Variants in ADCY2 observed in about 807,000 individuals in gnomAD.
The protein encoded by ADCY2 is adenylate cyclase 2.
In ADCY2, 31 loss-of-function variants were observed where a neutral mutation model predicts 125.2. That is an observed-to-expected ratio of 0.25 (90% CI 0.19 to 0.33). The LOEUF is 0.33. ADCY2 is among the 10% of genes least tolerant of loss of function. The probability of loss-of-function intolerance (pLI) is 1.00; values close to 1 mark genes in which losing one functional copy is unlikely to be tolerated. For missense variants in ADCY2, 904 were observed against 1,418.2 expected, an observed-to-expected ratio of 0.64 and a Z score of 5.82; for synonymous variants, 512 against 548.4, an observed-to-expected ratio of 0.93 and a Z score of 0.93.
intron 15 of ADCY2, among the ~76,000 whole-genome samples, chr5:7,754,178 G>C (rs76031226): frequency 6.6e-6 from 1 of 152,070 alleles, no homozygotes; most frequent in Admixed American, 6.6e-5. Context: ...ATATCTGCCC[G>C]GGTCTGTTTT....
At chr5:7,700,974 A>G (rs1297450512) in intron 7 of ADCY2, among the ~76,000 whole-genome samples, 1 of 152,114 alleles carries the variant, frequency 6.6e-6, no homozygotes, top group Non-Finnish European at 1.5e-5. Flanking sequence ...AGTAAATCAT[A>G]TGTACTCTCT....
Position 7,766,675 on chromosome 5 carries a change from T to C in ADCY2, c.2095-12T>C. 6.2e-7 allele frequency: 1 copy of C among 1,609,520 alleles called. No homozygotes were observed. The highest frequency in any genetic ancestry group is 8.5e-7 in the Non-Finnish European group (1 of 1,178,876). On this transcript the variant is annotated splice_polypyrimidine_tract_variant and intron_variant, in intron 16 of 24. Transcript: ENST00000338316. ...TTACATTAATTCATTGAAAAAAACC[T>C]TCTCTTTGCAGTTTTTCCTGAGTGA...
intron 3 of ADCY2, among the ~76,000 whole-genome samples, chr5:7,532,584 G>A (rs1030182802): frequency 7.2e-5 from 11 of 152,148 alleles, no homozygotes; most frequent in Admixed American, 4.6e-4. Context: ...TAGCTTTTGG[G>A]TTAGGTTAAT....
At chr5:7,728,221 T>C (rs1741990726) in intron 14 of ADCY2, among the ~76,000 whole-genome samples, 4 of 152,190 alleles carry the variant, frequency 2.6e-5, no homozygotes, top group Admixed American at 2.6e-4. Flanking sequence ...CTCATGAACG[T>C]GCTGAGCAAA....
chr5:7,464,661 C>T (rs1209117953), intron 2 of ADCY2, among the ~76,000 whole-genome samples: 1 of 152,040 alleles, frequency 6.6e-6, no homozygotes, highest in Non-Finnish European at 1.5e-5. Context: ...ACTCGATATG[C>T]AGTCAAAAAA....
intron 4 of ADCY2, among the ~76,000 whole-genome samples, chr5:7,670,002 T>G (rs1444696776): frequency 2.0e-5 from 3 of 152,244 alleles, no homozygotes; most frequent in Non-Finnish European, 2.9e-5. Flanking sequence ...GTGTTTCTTA[T>G]GGCCCAGCAC....
chr5:7,727,333 G>C (rs1741963325), intron 14 of ADCY2, 72 bp downstream of exon 14: 6 of 1,241,296 alleles, frequency 4.8e-6, no homozygotes, highest in African/African-American at 1.5e-5. Context: ...TATATTTAAA[G>C]GTGTGAAAGG....
chr5:7,674,293 G>A (rs1740043226), intron 4 of ADCY2, among the ~76,000 whole-genome samples: 1 of 152,170 alleles, frequency 6.6e-6, no homozygotes, highest in Admixed American at 6.5e-5. Flanking sequence ...CGATTCAGTG[G>A]TTTCGGTGTG....
At chr5:7,507,822 T>A (rs1487753603) in intron 2 of ADCY2, among the ~76,000 whole-genome samples, 1 of 152,180 alleles carries the variant, frequency 6.6e-6, no homozygotes, top group Non-Finnish European at 1.5e-5. Context: ...GGATTATGTA[T>A]GAATAATGTT....
chr5:7,678,383 C>T (rs1310554327), intron 4 of ADCY2, among the ~76,000 whole-genome samples: 8 of 152,170 alleles, frequency 5.3e-5, no homozygotes, highest in South Asian at 2.1e-4. Flanking sequence ...GCTTCATCAG[C>T]CCTAGAAAGA....
At chr5:7,815,876 T>C (rs939165930) in intron 22 of ADCY2, among the ~76,000 whole-genome samples, 1 of 152,192 alleles carries the variant, frequency 6.6e-6, no homozygotes, top group East Asian at 1.9e-4. Flanking sequence ...AGAAGTTAAT[T>C]GCCTCGCTGT....
At chr5:7,479,225 G>A (rs892267317) in intron 2 of ADCY2, among the ~76,000 whole-genome samples, 2 of 149,094 alleles carry the variant, frequency 1.3e-5, no homozygotes, top group African/African-American at 5.2e-5. Flanking sequence ...GGGCACGTTT[G>A]AATAAGAGTG....
chr5:7,623,987 T>G (rs1333955064), intron 3 of ADCY2, among the ~76,000 whole-genome samples: 1 of 152,194 alleles, frequency 6.6e-6, no homozygotes, highest in Admixed American at 6.5e-5. Context: ...GGGGGTTAGC[T>G]CTAAGAATGT....
At chr5:7,740,743 A>T (rs1019392640) in intron 14 of ADCY2, among the ~76,000 whole-genome samples, 6 of 152,208 alleles carry the variant, frequency 3.9e-5, no homozygotes, top group Middle Eastern at 3.4e-3. Flanking sequence ...AATTGAAAGT[A>T]TAGGCTTTTT....
chr5:7,698,598 T>C (rs1198216652), intron 7 of ADCY2, among the ~76,000 whole-genome samples: 1 of 152,204 alleles, frequency 6.6e-6, no homozygotes, highest in Non-Finnish European at 1.5e-5. Flanking sequence ...CCATGTGTTC[T>C]CATTGTTCAA....
Position 7,652,500 on chromosome 5 carries a change from A to C in ADCY2, c.720+26184A>C, listed in dbSNP as rs372521190. 3.0e-4 allele frequency among the ~76,000 whole-genome samples: 45 copies of C among 152,224 alleles called. No homozygotes were observed. The East Asian group carries it at 3.5e-3, about 12-fold the overall frequency. ...ATGCAGAGAACTATCCCTTTCATCT[A>C]CTCTTTAGGGTATGACGCATTTTGG... On this transcript the variant is annotated intron_variant, in intron 4 of 24. Transcript: ENST00000338316.
chr5:7,816,034 T>C (rs1745102033), intron 22 of ADCY2, among the ~76,000 whole-genome samples: 1 of 152,184 alleles, frequency 6.6e-6, no homozygotes, highest in African/African-American at 2.4e-5. Flanking sequence ...TAACTGCCTC[T>C]TCTTAAAAGG....
At chr5:7,556,546 T>C (rs1315385379) in intron 3 of ADCY2, among the ~76,000 whole-genome samples, 2 of 152,230 alleles carry the variant, frequency 1.3e-5, no homozygotes. Flanking sequence ...GTTTCAACAT[T>C]ATATGTTTTG....
At chr5:7,818,728 C>T (rs1745201610) in intron 23 of ADCY2, among the ~76,000 whole-genome samples, 1 of 152,086 alleles carries the variant, frequency 6.6e-6, no homozygotes, top group Non-Finnish European at 1.5e-5. Flanking sequence ...CTCTACCTTA[C>T]ACAAAGATGA....
Sources: allele counts gnomAD v4.1 joint callset (sites outside exome capture counted in the v4.1 genomes callset), GRCh38; gene constraint gnomAD v4.1.1; transcripts MANE v1.5; gene names NCBI Gene and HGNC (gene_info 2026-07-23, HGNC 2026-07-21).